Variants in FHIT observed in about 807,000 individuals in gnomAD.
FHIT encodes bis(5'-adenosyl)-triphosphatase.
A neutral mutation model predicts 17.9 loss-of-function variants in FHIT; 19 were observed. The ratio of observed to expected loss-of-function variants is 1.06; its 90% CI spans 0.74 to 1.56. The LOEUF (loss-of-function observed/expected upper bound fraction) is 1.56, where lower values mean the gene tolerates loss of function less well. Among genes scored for constraint, FHIT ranks in the 40% most tolerant of loss-of-function variants. The probability of loss-of-function intolerance (pLI) is 0.00; values close to 1 mark genes in which losing one functional copy is unlikely to be tolerated. For synonymous variants in FHIT, 81 were observed against 69.7 expected (o/e 1.16, Z -0.81); for missense variants, 248 against 189.2 (o/e 1.31, Z -1.82).
chr3:60,070,017 C>A (rs1252623419), intron 5 of FHIT, among the ~76,000 whole-genome samples: 3 of 152,190 alleles, frequency 2.0e-5, no homozygotes, highest in East Asian at 3.9e-4. Flanking sequence ...GCATTCCAGG[C>A]TGGTATAGGG....
chr3:60,121,707 C>CAAAACAA lies in FHIT; in HGVS notation c.104-107556_104-107555insTTGTTTT, dbSNP rs764037002. On this transcript the variant is annotated intron_variant, in intron 5 of 9. Coordinates refer to ENST00000492590, the MANE Select transcript of FHIT (RefSeq NM_002012.4). ...TCAAAAAACAAACAAACAAACAAAA[C>CAAAACAA]AAACACACACACACACACACACACA... is the stretch of plus-strand genomic sequence containing the variant. 2.4e-3 allele frequency among the ~76,000 whole-genome samples: 152 copies of CAAAACAA among 62,322 alleles called. 1 individual carries two copies. The highest frequency in any genetic ancestry group is 8.4e-3 in the African/African-American group (117 of 13,886). The allele number at this position is 62,322 out of a possible 152,430, so 40.9% of individuals were successfully genotyped here. A position where few individuals can be genotyped will look rare whatever the true frequency, so the allele number is the denominator to read the frequency against.
chr3:59,914,927 CA>C (rs1184161935), intron 8 of FHIT, among the ~76,000 whole-genome samples: 6 of 151,982 alleles, frequency 3.9e-5, no homozygotes, highest in African/African-American at 1.4e-4. Context: ...CCAAACTTAT[CA>C]AAACTTTTTG....
chr3:60,011,446 A>ATC (rs1700136597), intron 6 of FHIT, 46 bp from the exon 7 acceptor site: 1 of 1,498,446 alleles, frequency 6.7e-7, no homozygotes. Context: ...GATAGATGGT[A>ATC]TCTCCTGCTT....
At chr3:60,528,760 A>C (rs1424182396) in intron 5 of FHIT, among the ~76,000 whole-genome samples, 1 of 152,160 alleles carries the variant, frequency 6.6e-6, no homozygotes, top group East Asian at 1.9e-4. Flanking sequence ...ATATTGAAAT[A>C]CACAAGTATT....
At chr3:60,772,382 T>A (rs1313510181) in intron 4 of FHIT, among the ~76,000 whole-genome samples, 1 of 150,534 alleles carries the variant, frequency 6.6e-6, no homozygotes, top group African/African-American at 2.5e-5. Context: ...ATAATCAAAA[T>A]CTGAGTAGGT....
At chr3:60,536,114 A>T (rs935142680) in intron 5 of FHIT, 1 of 152,206 alleles carries the variant, frequency 6.6e-6, no homozygotes. Flanking sequence ...ATATGCACAC[A>T]ATCAGGAGTG....
At chr3:59,851,733 A>G (rs1701946175) in intron 8 of FHIT, among the ~76,000 whole-genome samples, 1 of 152,224 alleles carries the variant, frequency 6.6e-6, no homozygotes, top group Non-Finnish European at 1.5e-5. Context: ...CATTCCCACT[A>G]GAATTTACCT....
intron 8 of FHIT, among the ~76,000 whole-genome samples, chr3:59,810,611 T>A (rs1483641529): frequency 1.3e-5 from 2 of 152,218 alleles, no homozygotes; most frequent in Admixed American, 6.5e-5. Context: ...TGCCTTTATG[T>A]TCTGATATAC....
intron 3 of FHIT, among the ~76,000 whole-genome samples, chr3:60,918,615 T>G (rs1442613817): frequency 6.6e-6 from 1 of 152,074 alleles, no homozygotes; most frequent in Non-Finnish European, 1.5e-5. Context: ...GGAGAAGATC[T>G]GGGAAAGGAA....
chr3:60,639,965 G>T (rs1357212346), intron 4 of FHIT, among the ~76,000 whole-genome samples: 1 of 152,162 alleles, frequency 6.6e-6, no homozygotes, highest in African/African-American at 2.4e-5. Flanking sequence ...CAATAAAAAG[G>T]AACATTAACA....
intron 4 of FHIT, among the ~76,000 whole-genome samples, chr3:60,574,316 T>A (rs371094957): frequency 1.3e-4 from 20 of 151,612 alleles, no homozygotes; most frequent in African/African-American, 4.6e-4. Context: ...AGCCTGCAAT[T>A]TAGCTCACAA....
At chr3:60,293,289 A>G (rs1432199034) in intron 5 of FHIT, among the ~76,000 whole-genome samples, 1 of 152,148 alleles carries the variant, frequency 6.6e-6, no homozygotes, top group Non-Finnish European at 1.5e-5. Context: ...GCCCATAGTA[A>G]TAGATTACTC....
intron 5 of FHIT, among the ~76,000 whole-genome samples, chr3:60,050,359 A>T (rs960421165): frequency 6.6e-6 from 1 of 152,132 alleles, no homozygotes; most frequent in African/African-American, 2.4e-5. Context: ...AATTGTGAAG[A>T]AATTTCATCT....
intron 5 of FHIT, among the ~76,000 whole-genome samples, chr3:60,113,054 G>A (rs1335347773): frequency 6.6e-6 from 1 of 152,156 alleles, no homozygotes; most frequent in East Asian, 1.9e-4. Context: ...GGGCTTTCCT[G>A]ACCATCCAAT....
chr3:60,100,813 A>T (rs1704160440), intron 5 of FHIT, among the ~76,000 whole-genome samples: 1 of 151,166 alleles, frequency 6.6e-6, no homozygotes, highest in South Asian at 2.1e-4. Flanking sequence ...CAATCAGACA[A>T]AATTAAAACA....
chr3:59,955,806 C>A (rs1575761666), intron 7 of FHIT, among the ~76,000 whole-genome samples: 1 of 152,172 alleles, frequency 6.6e-6, no homozygotes, highest in Non-Finnish European at 1.5e-5. Context: ...TAACCGTATA[C>A]GTTTTTCTTT....
chr3:59,847,774 G>A (rs1164307508), intron 8 of FHIT, among the ~76,000 whole-genome samples: 10 of 152,052 alleles, frequency 6.6e-5, no homozygotes, highest in Non-Finnish European at 5.9e-5. Flanking sequence ...ATTGTTGTAG[G>A]CCAACTCTAT....
chr3:60,148,470 G>T (rs1700329240), intron 5 of FHIT, among the ~76,000 whole-genome samples: 1 of 152,102 alleles, frequency 6.6e-6, no homozygotes, highest in South Asian at 2.1e-4. Context: ...TTACCTTTCT[G>T]GTAGAATTTT....
At chr3:60,114,036 AAT>A (rs1157736530) in intron 5 of FHIT, among the ~76,000 whole-genome samples, 120 of 10,198 alleles carry the variant, frequency 0.012, 1 homozygote, top group East Asian at 0.02. Flanking sequence ...AAAAAAAAAA[AAT>A]ATATATATAT....
Sources: gnomAD v4.1 joint callset for allele counts (sites outside exome capture counted in the v4.1 genomes callset) on GRCh38, gnomAD v4.1.1 for gene constraint, MANE v1.5 for transcripts, NCBI Gene and HGNC (gene_info 2026-07-23, HGNC 2026-07-21) for gene names.